The following RNF144A variants were observed in gnomAD, a reference collection of about 807,000 sequenced individuals.
The protein encoded by RNF144A is ring finger protein 144A.
Under a neutral mutation model 38.7 loss-of-function variants are expected in RNF144A, and 11 were observed. The observed-to-expected ratio is 0.28, with a 90% CI of 0.18 to 0.47. RNF144A has a LOEUF of 0.47. Ranked by LOEUF, RNF144A falls within the 20% of genes least tolerant of loss-of-function variation. The pLI, the probability that RNF144A is intolerant of heterozygous loss-of-function variation, is 0.99. For synonymous variants in RNF144A, 149 were observed against 143.9 expected (o/e 1.04, Z -0.25); for missense variants, 316 against 377.2 (o/e 0.84, Z 1.34).
chr2:6,931,153 C>T (rs771295), intron 1 of RNF144A, among the ~76,000 whole-genome samples: 28,008 of 152,152 alleles, frequency 0.18, 3,047 homozygotes, highest in Non-Finnish European at 0.24. Context: ...CCTAGTGCAG[C>T]GGTCGTGGTC....
At chr2:6,985,925 C>T (rs559146029) in intron 2 of RNF144A, among the ~76,000 whole-genome samples, 11 of 152,306 alleles carry the variant, frequency 7.2e-5, no homozygotes, top group Admixed American at 2.6e-4. Context: ...CCGCCCACCT[C>T]GGCCTCCCAA....
chr2:7,021,177 G>T (rs72781802), intron 6 of RNF144A, among the ~76,000 whole-genome samples: 2 of 152,122 alleles, frequency 1.3e-5, no homozygotes, highest in Admixed American at 1.3e-4. Context: ...GAATGCTGCC[G>T]CACCACGCTC....
intron 3 of RNF144A, among the ~76,000 whole-genome samples, chr2:7,013,100 T>G (rs1286449084): frequency 6.6e-6 from 1 of 152,252 alleles, no homozygotes; most frequent in African/African-American, 2.4e-5. Context: ...AATGAAATAT[T>G]CTATTTTGCT....
At chr2:7,031,333 G>C (rs1232161401) in intron 8 of RNF144A, among the ~76,000 whole-genome samples, 1 of 151,216 alleles carries the variant, frequency 6.6e-6, no homozygotes, top group Non-Finnish European at 1.5e-5. Context: ...GCGTGAGACA[G>C]ATGTGTCCTT....
rs2103324775 is a variant in RNF144A, at chr2:6,958,051, A to C, written c.-12+16904A>C. 6.6e-6 allele frequency among the ~76,000 whole-genome samples: 1 copy of C among 152,334 alleles called. No individual in the cohort carries two copies. The highest frequency in any genetic ancestry group is 2.1e-4 in the South Asian group (1 of 4,832). ...TCGGGATGGAGCTCCAGGGAAGCAG[A>C]TGGATCGCCGGAGGGCTGCTGTCAC... On this transcript the variant is annotated intron_variant, in intron 2 of 8. Transcript: ENST00000320892. This position sits in a 1 kb window ranked among gnomAD's most constrained non-coding sequence, Gnocchi z 4.5.
At chr2:6,922,471 A>C (rs1241200682) in intron 1 of RNF144A, among the ~76,000 whole-genome samples, 1 of 152,150 alleles carries the variant, frequency 6.6e-6, no homozygotes, top group African/African-American at 2.4e-5. Context: ...GTTTCCCAAG[A>C]ACTGCTTTCA....
At chr2:7,031,179 C>A (rs1417674561) in intron 8 of RNF144A, among the ~76,000 whole-genome samples, 1 of 152,072 alleles carries the variant, frequency 6.6e-6, no homozygotes, top group Non-Finnish European at 1.5e-5. Context: ...GTGTTGGGGA[C>A]CCTGGCCCTA....
At chr2:7,050,033 G>A (rs1428393238) in intron 6 of RNF144A, among the ~76,000 whole-genome samples, 3 of 152,214 alleles carry the variant, frequency 2.0e-5, no homozygotes, top group African/African-American at 4.8e-5. Flanking sequence ...TTGGTTGCAC[G>A]TTGGAAGCTG....
In RNF144A at chr2:7,042,128, T is replaced by C; in HGVS notation, c.*2368T>C. 1 of 985,384 alleles carries C rather than the reference T, an allele frequency of 1.0e-6. No individual in the cohort carries two copies. The highest frequency in any genetic ancestry group is 5.2e-4 in the Middle Eastern group (1 of 1,914). 61.0% of individuals were successfully genotyped at this position (985,384 alleles called of 1,614,324 possible). A position where few individuals can be genotyped will look rare whatever the true frequency, so the allele number is the denominator to read the frequency against. ...CTAGATATAAAATTAAAATTGTCCA[T>C]TTCCTATATAAATACCAGCAAGATC... is the stretch of plus-strand genomic sequence containing the variant. On this transcript the variant is annotated 3_prime_UTR_variant, in exon 9 of 9. Transcript: ENST00000320892.
chr2:6,980,542 A>C (rs1668565912), intron 2 of RNF144A, among the ~76,000 whole-genome samples: 1 of 152,244 alleles, frequency 6.6e-6, no homozygotes, highest in Non-Finnish European at 1.5e-5. Context: ...CATGTCTCAA[A>C]TCCTGGGCAT....
At chr2:7,071,363 T>A (rs574710184), downstream of RNF144A, among the ~76,000 whole-genome samples, 1 of 152,176 alleles carries the variant, frequency 6.6e-6, no homozygotes, top group Non-Finnish European at 1.5e-5. Flanking sequence ...GCAGAGTTCC[T>A]TATGTGCTTG....
intron 6 of RNF144A, among the ~76,000 whole-genome samples, chr2:7,053,698 G>A (rs1440006347): frequency 6.6e-6 from 1 of 152,196 alleles, no homozygotes; most frequent in East Asian, 1.9e-4. Context: ...TTGTTTTTGT[G>A]TATATGTATA....
intron 8 of RNF144A, among the ~76,000 whole-genome samples, chr2:7,039,353 A>G (rs1672895565): frequency 6.7e-6 from 1 of 149,842 alleles, no homozygotes; most frequent in East Asian, 2.0e-4. Context: ...GAGATGTATG[A>G]TGGTTAATGG....
At chr2:7,028,684 A>G (rs931643404) in intron 7 of RNF144A, among the ~76,000 whole-genome samples, 12 of 152,230 alleles carry the variant, frequency 7.9e-5, no homozygotes, top group Non-Finnish European at 1.6e-4. Flanking sequence ...AATTAATGTC[A>G]GCGCAAAGGA....
intron 2 of RNF144A, among the ~76,000 whole-genome samples, chr2:6,985,229 T>C (rs1668871479): frequency 6.6e-6 from 1 of 151,522 alleles, no homozygotes; most frequent in Non-Finnish European, 1.5e-5. Context: ...TGAACAGATT[T>C]AGTGTCATTT....
At chr2:7,045,954 A>G (rs1382412505), downstream of RNF144A, among the ~76,000 whole-genome samples, 1 of 152,228 alleles carries the variant, frequency 6.6e-6, no homozygotes, top group Non-Finnish European at 1.5e-5. Context: ...AAATAAATCC[A>G]TATTTCTGTG....
intron 8 of RNF144A, among the ~76,000 whole-genome samples, chr2:7,032,418 G>A (rs912572673): frequency 3.3e-5 from 5 of 152,238 alleles, no homozygotes; most frequent in African/African-American, 1.2e-4. Context: ...GTGACAAAGC[G>A]CTGCAGACTG....
At chr2:7,054,888 GAC>G (rs1219499987) in intron 6 of RNF144A, among the ~76,000 whole-genome samples, 1 of 152,150 alleles carries the variant, frequency 6.6e-6, no homozygotes, top group African/African-American at 2.4e-5. Flanking sequence ...TTTCCTAAGT[GAC>G]ACACATTGGT....
intron 2 of RNF144A, among the ~76,000 whole-genome samples, chr2:6,991,086 AAGAC>A (rs1669340542): frequency 6.6e-6 from 1 of 152,192 alleles, no homozygotes; most frequent in Admixed American, 6.5e-5. Context: ...CACCTACTGA[AAGAC>A]AGCTTGGTTG....
Sources: allele counts gnomAD v4.1 joint callset (sites outside exome capture counted in the v4.1 genomes callset), GRCh38; gene constraint gnomAD v4.1.1; non-coding constraint Gnocchi (gnomAD v3.1); transcripts MANE v1.5; gene names NCBI Gene and HGNC (gene_info 2026-07-23, HGNC 2026-07-21).